PEPD: variants seen among roughly 807,000 people sequenced by gnomAD.
PEPD encodes peptidase D.
A neutral mutation model predicts 60.7 loss-of-function variants in PEPD; 53 were observed. The observed-to-expected ratio is 0.87, with a 90% CI of 0.70 to 1.10. The LOEUF is 1.10. Among genes scored for constraint, PEPD ranks in the 50% least tolerant of loss-of-function variants. PEPD has a pLI of 0.00. For synonymous variants in PEPD, 267 were observed against 284.1 expected (o/e 0.94, Z 0.60); for missense variants, 711 against 711.9 (o/e 1.00, Z 0.01).
At chr19:33,459,371 C>T (rs17761012) in intron 9 of PEPD, among the ~76,000 whole-genome samples, 13,776 of 152,210 alleles carry the variant, frequency 0.091, 652 homozygotes, top group Middle Eastern at 0.13. Flanking sequence ...AGCTGGGACT[C>T]GCTTACACAG....
At chr19:33,444,904 A>C (rs1247085497) in intron 9 of PEPD, among the ~76,000 whole-genome samples, 1 of 152,110 alleles carries the variant, frequency 6.6e-6, no homozygotes, top group African/African-American at 2.4e-5. Flanking sequence ...ATTTTATCAC[A>C]GTGTGTAATC....
At position 33,512,617 on chromosome 19, in the gene PEPD, G is replaced by C. The variant is rs372913336; in HGVS notation, c.177C>G (p.Thr59=). 1.9e-6 allele frequency: 3 copies of C among 1,613,736 alleles called. No homozygotes were observed. Among genetic ancestry groups the C allele is most frequent in the African/African-American group, 2.7e-5 (2 of 74,930 alleles). Residue 59 remains threonine (T), a synonymous_variant, in exon 2 of 15, where the codon ACC becomes ACG. Transcript: ENST00000244137. The part of the protein sequence containing the change: ...QGGEETQRYC[T]DTGVLFRQES... ...CCTGGCGGAAGAGGACCCCGGTGTC[G>C]GTGCAGTAGCGCTGAGTCTCCTCCC...
At chr19:33,476,014 C>T (rs960952681) in intron 7 of PEPD, among the ~76,000 whole-genome samples, 4 of 152,138 alleles carry the variant, frequency 2.6e-5, no homozygotes, top group African/African-American at 2.4e-5. Context: ...AGTCCAATGC[C>T]GTGTTAGGCT....
At chr19:33,435,987 A>C (rs1651492003) in intron 9 of PEPD, among the ~76,000 whole-genome samples, 1 of 152,122 alleles carries the variant, frequency 6.6e-6, no homozygotes, top group Admixed American at 6.5e-5. Flanking sequence ...GCTGGAGGAG[A>C]ATATGGGTCT....
At chr19:33,440,469 G>C (rs1969461660) in intron 9 of PEPD, among the ~76,000 whole-genome samples, 1 of 152,072 alleles carries the variant, frequency 6.6e-6, no homozygotes, top group African/African-American at 2.4e-5. Flanking sequence ...TAGCCAAACA[G>C]CTGGACCGTG....
intron 13 of PEPD, chr19:33,388,375 C>A (rs1968130787): frequency 1.7e-6 from 1 of 588,478 alleles, no homozygotes; most frequent in East Asian, 3.0e-5. Context: ...CCAGACAGGC[C>A]TGTGGGGCTG....
intron 9 of PEPD, among the ~76,000 whole-genome samples, chr19:33,445,234 C>T (rs1172785299): frequency 6.6e-6 from 1 of 152,212 alleles, no homozygotes; most frequent in Non-Finnish European, 1.5e-5. Context: ...CACTGGGCTG[C>T]CTGCTGCCTC....
At chr19:33,406,229 C>G (rs188601600) in intron 11 of PEPD, among the ~76,000 whole-genome samples, 4 of 152,292 alleles carry the variant, frequency 2.6e-5, no homozygotes, top group Admixed American at 1.3e-4. Flanking sequence ...TCTGGGAGCA[C>G]CCAGGATGTC....
intron 9 of PEPD, among the ~76,000 whole-genome samples, chr19:33,425,341 G>A (rs770650252): frequency 6.8e-6 from 1 of 147,422 alleles, no homozygotes; most frequent in African/African-American, 2.5e-5. Flanking sequence ...TGCCAGAGTG[G>A]CAGATGATCC....
chr19:33,494,208 C>T (rs1357868255), intron 4 of PEPD, among the ~76,000 whole-genome samples: 3 of 152,182 alleles, frequency 2.0e-5, no homozygotes, highest in African/African-American at 7.2e-5. Flanking sequence ...CTGAGCACCC[C>T]CTGGGCAGAG....
Position 33,521,345 on chromosome 19 carries a change from G to A in PEPD, c.17+399C>T, listed in dbSNP as rs554670314. On this transcript the variant is annotated intron_variant, in intron 1 of 14. Transcript: ENST00000244137. Reference sequence around the variant, plus strand: ...GAAAGAAATGGGGAAGTGCCCTGCTGGGAAAAGGGAATTCCAAGTCCGTCT... The same window carrying A: ...GAAAGAAATGGGGAAGTGCCCTGCTAGGAAAAGGGAATTCCAAGTCCGTCT... Among the ~76,000 whole-genome samples the A allele has an allele frequency of 6.6e-5, 10 of 152,378 alleles. 1 individual carries two copies. Among genetic ancestry groups the A allele is most frequent in the African/African-American group, 1.9e-4 (8 of 41,596 alleles).
chr19:33,399,475 T>G (rs1222390329), intron 12 of PEPD, among the ~76,000 whole-genome samples: 1 of 152,178 alleles, frequency 6.6e-6, no homozygotes, highest in African/African-American at 2.4e-5. Flanking sequence ...TCTGTTCCTG[T>G]TGGATGCGTG....
At chr19:33,519,485 G>A (rs982879848) in intron 1 of PEPD, among the ~76,000 whole-genome samples, 4 of 152,204 alleles carry the variant, frequency 2.6e-5, no homozygotes, top group Non-Finnish European at 1.5e-5. Context: ...ATCATGCCTC[G>A]TTATGCCTGA....
chr19:33,408,968 A>C (rs1968702190), intron 11 of PEPD, among the ~76,000 whole-genome samples: 1 of 152,226 alleles, frequency 6.6e-6, no homozygotes, highest in African/African-American at 2.4e-5. Context: ...ACTCATAATT[A>C]CTCTACTGGC....
chr19:33,419,517 T>C (rs1302289446), intron 9 of PEPD, among the ~76,000 whole-genome samples: 1 of 152,206 alleles, frequency 6.6e-6, no homozygotes, highest in Non-Finnish European at 1.5e-5. Flanking sequence ...GGAAACCCAC[T>C]GAATCCGTGT....
At chr19:33,403,624 G>A (rs897721250) in intron 11 of PEPD, among the ~76,000 whole-genome samples, 2 of 152,242 alleles carry the variant, frequency 1.3e-5, no homozygotes, top group African/African-American at 2.4e-5. Flanking sequence ...GGAGCAAGGA[G>A]CAGGGCCACG....
At chr19:33,400,904 G>A (rs1275452822) in intron 12 of PEPD, among the ~76,000 whole-genome samples, 2 of 152,232 alleles carry the variant, frequency 1.3e-5, no homozygotes, top group Admixed American at 1.3e-4. Context: ...CTCGGCAGGA[G>A]GCTGGCTGAG....
chr19:33,519,438 C>T (rs1259465104), intron 1 of PEPD, among the ~76,000 whole-genome samples: 1 of 152,232 alleles, frequency 6.6e-6, no homozygotes, highest in African/African-American at 2.4e-5. Context: ...AAACCCAACT[C>T]CCAGTGAGCC....
intron 9 of PEPD, among the ~76,000 whole-genome samples, chr19:33,422,028 C>T (rs1295315977): frequency 6.6e-6 from 1 of 152,092 alleles, no homozygotes; most frequent in Non-Finnish European, 1.5e-5. Flanking sequence ...TCACAGGACT[C>T]CTCTGCTCAC....
Sources: allele counts gnomAD v4.1 joint callset (sites outside exome capture counted in the v4.1 genomes callset), GRCh38; gene constraint gnomAD v4.1.1; transcripts MANE v1.5; gene names NCBI Gene and HGNC (gene_info 2026-07-23, HGNC 2026-07-21).